The following TANC2 variants were observed in gnomAD, a reference collection of about 807,000 sequenced individuals.
The protein encoded by TANC2 is protein TANC2.
TANC2 carries 26 observed loss-of-function variants against 210.5 expected under a neutral mutation model. The observed-to-expected ratio is 0.12, with a 90% CI of 0.09 to 0.17. The LOEUF is 0.17. TANC2 is among the 10% of genes least tolerant of loss of function. TANC2 has a pLI of 1.00. For synonymous variants in TANC2, 931 were observed against 967.1 expected, an observed-to-expected ratio of 0.96 and a Z score of 0.69; for missense variants, 2,129 against 2,608.9, an observed-to-expected ratio of 0.82 and a Z score of 4.01.
chr17:63,138,192 A>G lies in TANC2; in HGVS notation c.323-13078A>G, dbSNP rs183157200. ...GTCTCTGGATGCAGAGAATCCAACA[A>G]AGAACTCTGGGGCTGTAAGATACTG... On this transcript the variant is annotated intron_variant, in intron 4 of 27. Coordinates refer to ENST00000689528, the Ensembl canonical transcript of TANC2. 3.3e-5 allele frequency among the ~76,000 whole-genome samples: 5 copies of G among 152,266 alleles called. No individual in the cohort carries two copies. In the East Asian group the frequency reaches 9.7e-4, roughly 29 times the overall value.
chr17:63,350,755 A>ACACATT (rs1290087563), intron 12 of TANC2, among the ~76,000 whole-genome samples: 1 of 151,962 alleles, frequency 6.6e-6, no homozygotes, highest in East Asian at 1.9e-4. Flanking sequence ...CCTTCCCACT[A>ACACATT]CACATTCACA....
chr17:63,337,873 G>A (rs1413611252), intron 11 of TANC2, among the ~76,000 whole-genome samples: 1 of 152,046 alleles, frequency 6.6e-6, no homozygotes, highest in African/African-American at 2.4e-5. Context: ...TGCAGTATTT[G>A]GTTTTCTGTT....
At chr17:63,281,564 T>G (rs1057108536) in intron 9 of TANC2, among the ~76,000 whole-genome samples, 5 of 152,036 alleles carry the variant, frequency 3.3e-5, no homozygotes, top group African/African-American at 1.2e-4. Flanking sequence ...TCAGCATACT[T>G]GAACAAAAAT....
At chr17:63,097,556 C>A (rs1273472719) in intron 3 of TANC2, among the ~76,000 whole-genome samples, 1 of 148,800 alleles carries the variant, frequency 6.7e-6, no homozygotes, top group African/African-American at 2.5e-5. Flanking sequence ...GTAACGATAG[C>A]TGATAAGCTT....
chr17:63,273,562 G>A (rs940287919), intron 9 of TANC2, among the ~76,000 whole-genome samples: 3 of 152,116 alleles, frequency 2.0e-5, no homozygotes, highest in Non-Finnish European at 4.4e-5. Flanking sequence ...TGTAAATATA[G>A]TTTTGACTTT....
At chr17:63,035,597 T>A (rs959111013) in intron 2 of TANC2, among the ~76,000 whole-genome samples, 1 of 152,218 alleles carries the variant, frequency 6.6e-6, no homozygotes, top group East Asian at 1.9e-4. Flanking sequence ...TTTGCTCATT[T>A]ATTCACCCAC....
chr17:63,356,015 G>T (rs577935750), intron 14 of TANC2, among the ~76,000 whole-genome samples: 70 of 152,102 alleles, frequency 4.6e-4, no homozygotes, highest in Non-Finnish European at 7.5e-4. Context: ...AAAGTCATAA[G>T]GTTAATACAT....
intron 7 of TANC2, among the ~76,000 whole-genome samples, chr17:63,223,735 GTC>G (rs1291872388): frequency 2.6e-5 from 4 of 152,046 alleles, no homozygotes; most frequent in Admixed American, 1.3e-4. Context: ...GCAGTGGAGT[GTC>G]TTTAATAACG....
chr17:63,254,858 G>A (rs1266581538), intron 8 of TANC2, among the ~76,000 whole-genome samples: 1 of 151,950 alleles, frequency 6.6e-6, no homozygotes, highest in African/African-American at 2.4e-5. Flanking sequence ...TTTTTAATGT[G>A]TTGTTGAATT....
At chr17:62,976,605 C>T (rs56115484) in intron 1 of TANC2, among the ~76,000 whole-genome samples, 37,010 of 151,880 alleles carry the variant, frequency 0.24, 4,883 homozygotes, top group South Asian at 0.35. Context: ...AGAGGTTCCT[C>T]TTCAAAGAAA....
intron 4 of TANC2, among the ~76,000 whole-genome samples, chr17:63,147,225 C>T (rs572569617): frequency 6.6e-6 from 1 of 152,078 alleles, no homozygotes; most frequent in East Asian, 1.9e-4. Context: ...TGACTGTGGT[C>T]CCGACTACTC....
intron 15 of TANC2, among the ~76,000 whole-genome samples, chr17:63,384,313 C>G (rs1598994835): frequency 6.6e-6 from 1 of 152,064 alleles, no homozygotes; most frequent in African/African-American, 2.4e-5. Context: ...CTCAAGCCGT[C>G]CTCCCTCCTT....
chr17:63,114,338 A>C (rs147938984), intron 4 of TANC2, among the ~76,000 whole-genome samples: 1 of 152,208 alleles, frequency 6.6e-6, no homozygotes, highest in South Asian at 2.1e-4. Context: ...AGTATATCCA[A>C]CCCTGCCAGT....
chr17:63,256,074 T>G (rs2043186942), intron 8 of TANC2, among the ~76,000 whole-genome samples: 1 of 151,842 alleles, frequency 6.6e-6, no homozygotes. Context: ...CCTGGCTAAT[T>G]TTTGTATTTT....
At chr17:63,340,885 G>C (rs986259500) in intron 12 of TANC2, among the ~76,000 whole-genome samples, 1 of 152,078 alleles carries the variant, frequency 6.6e-6, no homozygotes, top group Admixed American at 6.5e-5. Flanking sequence ...TTTTTTAAAA[G>C]TGAAAAAAAT....
At chr17:63,186,558 G>T (rs2145696231) in intron 5 of TANC2, among the ~76,000 whole-genome samples, 2 of 151,850 alleles carry the variant, frequency 1.3e-5, no homozygotes, top group Middle Eastern at 3.4e-3. Context: ...TCACCATGTT[G>T]GTCAGGCTGG....
chr17:63,035,878 A>G (rs2034952165), intron 2 of TANC2, among the ~76,000 whole-genome samples: 1 of 152,120 alleles, frequency 6.6e-6, no homozygotes, highest in Non-Finnish European at 1.5e-5. Flanking sequence ...GATATTGTCA[A>G]TTGTAAAAAA....
At chr17:63,341,963 C>A (rs936186653) in intron 12 of TANC2, among the ~76,000 whole-genome samples, 2 of 152,288 alleles carry the variant, frequency 1.3e-5, no homozygotes, top group Admixed American at 6.5e-5. Context: ...TCCTCAAATA[C>A]TTCCCTAGAT....
chr17:63,385,837 G>A (rs2047761858), intron 15 of TANC2, among the ~76,000 whole-genome samples: 1 of 152,212 alleles, frequency 6.6e-6, no homozygotes, highest in African/African-American at 2.4e-5. Flanking sequence ...ATCTTGTGGT[G>A]TGAGGGGTTA....
Sources: allele counts gnomAD v4.1 joint callset (sites outside exome capture counted in the v4.1 genomes callset), GRCh38; gene constraint gnomAD v4.1.1; transcripts MANE v1.5; gene names NCBI Gene and HGNC (gene_info 2026-07-23, HGNC 2026-07-21).